CBL: variants seen among roughly 807,000 people sequenced by gnomAD.
The protein encoded by CBL is E3 ubiquitin-protein ligase CBL.
In CBL, 45 loss-of-function variants were observed where a neutral mutation model predicts 96.9. That is an observed-to-expected ratio of 0.46 (90% CI 0.37 to 0.60). The LOEUF (loss-of-function observed/expected upper bound fraction) is 0.60, where lower values mean the gene tolerates loss of function less well. CBL is among the 20% of genes least tolerant of loss of function. The pLI, the probability that CBL is intolerant of heterozygous loss-of-function variation, is 0.00. For synonymous variants in CBL, 420 were observed against 426.8 expected (o/e 0.98, Z 0.20); for missense variants, 1,024 against 1,143.5 (o/e 0.90, Z 1.51).
At chr11:119,240,375 C>T (rs550653060) in intron 2 of CBL, among the ~76,000 whole-genome samples, 2 of 152,206 alleles carry the variant, frequency 1.3e-5, no homozygotes, top group Non-Finnish European at 2.9e-5. Flanking sequence ...TCAGGAACAA[C>T]TGAAACCAGG....
chr11:119,235,144 C>T (rs1419942360), intron 2 of CBL, among the ~76,000 whole-genome samples: 2 of 151,832 alleles, frequency 1.3e-5, no homozygotes, highest in Non-Finnish European at 2.9e-5. Context: ...GATGGAGTCT[C>T]ACTCTGTTGC....
At chr11:119,243,923 C>G (rs1002163750) in intron 2 of CBL, among the ~76,000 whole-genome samples, 1 of 151,674 alleles carries the variant, frequency 6.6e-6, no homozygotes, top group Admixed American at 6.6e-5. Context: ...GACATCGGGT[C>G]TCACTGTGTT....
Position 119,231,545 on chromosome 11 carries a change from C to T in CBL, c.196-903C>T, listed in dbSNP as rs555681466. Among the ~76,000 whole-genome samples, 10 of 151,816 alleles carry T rather than the reference C, an allele frequency of 6.6e-5. No individual in the cohort carries two copies. The East Asian group carries it at 1.6e-3, about 24-fold the overall frequency. On this transcript the variant is annotated intron_variant, in intron 1 of 15. Transcript: ENST00000264033. ...CCAACATGGAGAAACCCTGTCTCTA[C>T]CAAAAATACAAAATTAGCCGGGCAT...
chr11:119,215,559 G>A (rs1000589533), intron 1 of CBL, among the ~76,000 whole-genome samples: 15 of 151,784 alleles, frequency 9.9e-5, no homozygotes, highest in African/African-American at 1.4e-4. Flanking sequence ...CCAGCTCCTC[G>A]GGAGGCTGAG....
intron 1 of CBL, among the ~76,000 whole-genome samples, chr11:119,211,303 C>T (rs1033858001): frequency 1.6e-4 from 25 of 151,676 alleles, no homozygotes; most frequent in Admixed American, 3.3e-4. Flanking sequence ...ACCCGGGAGG[C>T]GGAGGTTGCA....
In CBL at chr11:119,273,877, C is replaced by G; in HGVS notation, c.600C>G (p.Val200=). ...WRKAFGEKTI[V]PWKSFRQALH... is the part of the protein sequence containing the mutation. ...TCCACCCCCTCCCCAGGACAATAGTCCCTTGGAAGAGCTTTCGACAGGCTC... is the reference window on the plus strand; with the variant it reads ...TCCACCCCCTCCCCAGGACAATAGTGCCTTGGAAGAGCTTTCGACAGGCTC... Residue 200 remains valine (V), a synonymous_variant, in exon 4 of 16, where the codon GTC becomes GTG. Transcript: ENST00000264033. 6.2e-6 allele frequency: 10 copies of G among 1,613,970 alleles called. No individual in the cohort carries two copies. The highest frequency in any genetic ancestry group is 8.5e-6 in the Non-Finnish European group (10 of 1,179,838).
intron 2 of CBL, among the ~76,000 whole-genome samples, chr11:119,255,036 G>A (rs747883101): frequency 4.4e-4 from 67 of 152,160 alleles, no homozygotes; most frequent in Non-Finnish European, 8.5e-4. Flanking sequence ...GTGGAGTGGC[G>A]TGCTTGGATT....
chr11:119,298,267 A>C, intron 14 of CBL, 91 bp from the exon 15 acceptor site: 2 of 1,093,056 alleles, frequency 1.8e-6, no homozygotes, highest in Non-Finnish European at 2.8e-6. Flanking sequence ...AAATGATTGC[A>C]TACATGTAAA....
At chr11:119,213,461 G>A (rs1232706468) in intron 1 of CBL, among the ~76,000 whole-genome samples, 1 of 152,152 alleles carries the variant, frequency 6.6e-6, no homozygotes, top group Non-Finnish European at 1.5e-5. Context: ...TTTCTTCTGT[G>A]TGTGAAATGT....
chr11:119,223,271 A>G (rs1303566902), intron 1 of CBL, among the ~76,000 whole-genome samples: 1 of 136,166 alleles, frequency 7.3e-6, no homozygotes. Flanking sequence ...GGTTCAAGCC[A>G]TCCTCCCGTC....
intron 2 of CBL, among the ~76,000 whole-genome samples, chr11:119,264,388 T>TTTCTCTTCTC (rs367863373): frequency 0.085 from 11,355 of 133,752 alleles, 646 homozygotes; most frequent in Non-Finnish European, 0.11. Context: ...TTTCTTTTCT[T>TTTCTCTTCTC]TTCTCTTCTC....
In CBL at chr11:119,232,497, C is replaced by T. The variant is rs1275935527; in HGVS notation, c.245C>T (p.Pro82Leu). 1.2e-6 allele frequency: 2 copies of T among 1,614,018 alleles called. No individual in the cohort carries two copies. The highest frequency in any genetic ancestry group is 1.7e-6 in the Non-Finnish European group (2 of 1,179,920). Reference protein sequence around the residue: ...NPKLALKNSPPYILDLLPDTY... With the variant: ...NPKLALKNSPLYILDLLPDTY... ...AAGCTGGCGCTAAAGAATAGCCCAC[C>T]TTATATCTTAGACCTGCTACCAGAT... Residue 82 changes from proline (P) to leucine (L), a missense_variant, in exon 2 of 16, where the codon CCT becomes CTT. By Grantham distance (98) the Pro-to-Leu change is moderately conservative. Coordinates refer to ENST00000264033, the MANE Select transcript of CBL (RefSeq NM_005188.4).
At chr11:119,236,852 C>T (rs1326646426) in intron 2 of CBL, among the ~76,000 whole-genome samples, 1 of 151,892 alleles carries the variant, frequency 6.6e-6, no homozygotes. Flanking sequence ...TTTCATGTGC[C>T]TCTTGGATGT....
Position 119,303,222 on chromosome 11 carries a change from T to A in CBL, c.*3441T>A, listed in dbSNP as rs1370859302. The A allele has an allele frequency of 4.3e-6, 1 of 231,428 alleles. No homozygotes were observed. The highest frequency in any genetic ancestry group is 8.6e-6 in the Non-Finnish European group (1 of 116,766). The allele number at this position is 231,428 out of a possible 1,614,324, so 14.3% of individuals were successfully genotyped here. A position where few individuals can be genotyped will look rare whatever the true frequency, so the allele number is the denominator to read the frequency against. On this transcript the variant is annotated 3_prime_UTR_variant, in exon 16 of 16. Coordinates refer to ENST00000264033, the MANE Select transcript of CBL (RefSeq NM_005188.4). ...ATGGTGATAAAGCAGAATATTCTCC[T>A]ACCTCACGTCATTAAAGTCAGAAGA...
intron 2 of CBL, among the ~76,000 whole-genome samples, chr11:119,258,159 C>T (rs897132711): frequency 3.3e-5 from 5 of 151,976 alleles, no homozygotes; most frequent in East Asian, 1.9e-4. Context: ...ACCTGGGAGG[C>T]GGAGGTTGCA....
intron 2 of CBL, among the ~76,000 whole-genome samples, chr11:119,263,940 T>G (rs28436724): frequency 6.6e-6 from 1 of 152,236 alleles, no homozygotes; most frequent in South Asian, 2.1e-4. Context: ...AATGAAATAC[T>G]TAAAAGCAGT....
rs562306720 is a variant in CBL, at chr11:119,237,068, A to G, written c.443+4373A>G. The stretch of plus-strand genomic sequence containing the variant: ...GATGCAAAGCATCCCTTTGTACAGC[A>G]TCTCCATGCTGTATACACTAGCACC... On this transcript the variant is annotated intron_variant, in intron 2 of 15. Coordinates refer to ENST00000264033, the MANE Select transcript of CBL (RefSeq NM_005188.4). 5.3e-5 allele frequency among the ~76,000 whole-genome samples: 8 copies of G among 152,344 alleles called. No homozygotes were observed. The South Asian group carries it at 1.5e-3, about 28-fold the overall frequency.
intron 2 of CBL, among the ~76,000 whole-genome samples, chr11:119,260,670 C>T (rs965684420): frequency 2.0e-4 from 31 of 152,006 alleles, no homozygotes; most frequent in Non-Finnish European, 3.7e-4. Context: ...CTCAGTCATA[C>T]TCTTGATTTT....
intron 2 of CBL, among the ~76,000 whole-genome samples, chr11:119,249,062 T>C (rs1741607942): frequency 6.6e-6 from 1 of 152,148 alleles, no homozygotes; most frequent in Non-Finnish European, 1.5e-5. Flanking sequence ...AACATAGAAT[T>C]ACCATAGGAT....
Sources: gnomAD v4.1 joint callset for allele counts (sites outside exome capture counted in the v4.1 genomes callset) on GRCh38, gnomAD v4.1.1 for gene constraint, MANE v1.5 for transcripts, NCBI Gene and HGNC (gene_info 2026-07-23, HGNC 2026-07-21) for gene names.